FGD6: variants seen among roughly 807,000 people sequenced by gnomAD.
FGD6 encodes the protein FYVE, RhoGEF and PH domain-containing protein 6.
FGD6 carries 90 observed loss-of-function variants against 149.4 expected under a neutral mutation model. That is an observed-to-expected ratio of 0.60 (90% CI 0.51 to 0.72). The LOEUF is 0.72. Ranked by LOEUF, FGD6 falls within the 30% of genes least tolerant of loss-of-function variation. FGD6 has a pLI of 0.00. For missense variants in FGD6, 1,437 were observed against 1,684.8 expected, an observed-to-expected ratio of 0.85 and a Z score of 2.57; for synonymous variants, 527 against 584.0, an observed-to-expected ratio of 0.90 and a Z score of 1.41.
chr12:95,203,973 T>A (rs2056677404), intron 2 of FGD6, among the ~76,000 whole-genome samples: 2 of 152,216 alleles, frequency 1.3e-5, no homozygotes, highest in South Asian at 4.1e-4. Context: ...ATCAAACTTC[T>A]TAAATAAAAA....
chr12:95,097,035 TC>T (rs1418438634), intron 14 of FGD6, among the ~76,000 whole-genome samples: 2 of 152,212 alleles, frequency 1.3e-5, no homozygotes, highest in African/African-American at 4.8e-5. Context: ...ACTGTGTAAA[TC>T]ATGTCACATA....
intron 14 of FGD6, among the ~76,000 whole-genome samples, chr12:95,097,754 G>A (rs11107893): frequency 0.17 from 25,162 of 151,788 alleles, 2,327 homozygotes; most frequent in African/African-American, 0.25. Flanking sequence ...AACGCTGTGA[G>A]TAACATTCAC....
intron 8 of FGD6, among the ~76,000 whole-genome samples, chr12:95,118,638 G>A (rs1879095956): frequency 6.6e-6 from 1 of 152,218 alleles, no homozygotes; most frequent in South Asian, 2.1e-4. Flanking sequence ...CAGAGGAAAT[G>A]AGTGTATAGG....
At chr12:95,158,347 T>G (rs2136276169) in intron 3 of FGD6, among the ~76,000 whole-genome samples, 1 of 151,492 alleles carries the variant, frequency 6.6e-6, no homozygotes, top group Admixed American at 6.6e-5. Flanking sequence ...TTTTTTTTTT[T>G]TGTATTTTTA....
chr12:95,086,525 AT>A lies in FGD6; in HGVS notation c.3979-618del, dbSNP rs144016507. Among the ~76,000 whole-genome samples the A allele has an allele frequency of 9.3e-3, 1,160 of 125,072 alleles. 16 individuals carry two copies. Among genetic ancestry groups the A allele is most frequent in the African/African-American group, 0.029 (966 of 33,628 alleles). The allele number at this position is 125,072 out of a possible 152,430, so 82.1% of individuals were successfully genotyped here. On this transcript the variant is annotated intron_variant, in intron 18 of 20. Coordinates refer to ENST00000343958, the MANE Select transcript of FGD6 (RefSeq NM_018351.4). Reference sequence around the variant, plus strand: ...AAAGACAGTAAGCTTTTACTGATTGATTTTTTTTTTCTTTTTTTTTTTTTTT... The same window carrying A: ...AAAGACAGTAAGCTTTTACTGATTGATTTTTTTTTCTTTTTTTTTTTTTTT...
At chr12:95,139,954 A>G (rs1879797133) in intron 6 of FGD6, among the ~76,000 whole-genome samples, 1 of 152,104 alleles carries the variant, frequency 6.6e-6, no homozygotes, top group South Asian at 2.1e-4. Flanking sequence ...ACCTTTAAAG[A>G]CTACATTTTA....
In FGD6 at chr12:95,209,790, T is replaced by C. The variant is rs1486925135; in HGVS notation, c.1494A>G (p.Lys498=). 18 of 1,611,546 alleles carry C rather than the reference T, an allele frequency of 1.1e-5. No homozygotes were observed. Among genetic ancestry groups the C allele is most frequent in the Non-Finnish European group, 1.4e-5 (17 of 1,179,478 alleles). The change falls in exon 2 of 21, where the codon AAA becomes AAG. Residue 498 remains lysine (K), a synonymous_variant. Transcript: ENST00000343958. The part of the protein sequence containing the change: ...EENSLRIVPK[K]PQRHSLPATG... ...TAGCAGGCAAGCTATGTCTTTGAGG[T>C]TTTTTGGGGACAATTCGTAGAGAAT...
intron 2 of FGD6, among the ~76,000 whole-genome samples, chr12:95,195,697 GGCCTTATATAACATTTT>G: frequency 4.0e-5 from 1 of 24,736 alleles, no homozygotes; most frequent in South Asian, 1.9e-3. Context: ...GCTCACGCCT[GGCCTTATATAACATTTT>G]TAAACAACAA....
At chr12:95,108,242 A>T in intron 11 of FGD6, 106 bp downstream of exon 11, 1 of 936,516 alleles carries the variant, frequency 1.1e-6, no homozygotes, top group Non-Finnish European at 1.6e-6. Context: ...AAATTGAATC[A>T]ATGAAGAGTA....
At chr12:95,089,803 A>G in intron 17 of FGD6, 107 bp from the exon 18 acceptor site, 2 of 1,393,890 alleles carry the variant, frequency 1.4e-6, no homozygotes, top group Non-Finnish European at 9.8e-7. Flanking sequence ...GAAGGACACT[A>G]AGAAACAACA....
In FGD6 at chr12:95,211,058, T is replaced by C. The variant is rs776783253; in HGVS notation, c.226A>G (p.Met76Val). The C allele has an allele frequency of 6.2e-7, 1 of 1,614,154 alleles. No homozygotes were observed. Among genetic ancestry groups the C allele is most frequent in the Non-Finnish European group, 8.5e-7 (1 of 1,180,030 alleles). ...EIGQSPSRKI[M>V]LNLEGHKQEL... is the part of the protein sequence containing the mutation. ...TGTTTATGCCCTTCCAGGTTCAACA[T>C]GATTTTCCTTGATGGCGACTGCCCA... Residue 76 changes from methionine (M) to valine (V), a missense_variant, in exon 2 of 21, where the codon ATG becomes GTG. By Grantham distance (21) the Met-to-Val change is conservative. Around this residue, in one of 2 missense-constraint regions of FGD6, gnomAD observed 1,055 missense variants for 1,146.0 expected, o/e 0.92. Coordinates refer to ENST00000343958, the MANE Select transcript of FGD6 (RefSeq NM_018351.4).
In FGD6 at chr12:95,106,953, C is replaced by A. The variant is rs1287494081; in HGVS notation, c.3417+1G>T. The stretch of plus-strand genomic sequence containing the variant: ...ACAAAACATCTAACAGATGCACACA[C>A]CTTCATTCCAGCCAGTGAGAGCATG... On this transcript the variant is annotated splice_donor_variant, in intron 13 of 20. Transcript: ENST00000343958. LOFTEE classifies it high-confidence loss of function. 1 of 1,602,272 alleles carries A rather than the reference C, an allele frequency of 6.2e-7. No individual in the cohort carries two copies. Among genetic ancestry groups the A allele is most frequent in the South Asian group, 1.1e-5 (1 of 90,460 alleles).
intron 14 of FGD6, among the ~76,000 whole-genome samples, chr12:95,098,344 A>G (rs1261305876): frequency 6.6e-6 from 1 of 152,188 alleles, no homozygotes; most frequent in Non-Finnish European, 1.5e-5. Context: ...GATTCCATGC[A>G]GCAGCCGGAT....
intron 9 of FGD6, among the ~76,000 whole-genome samples, chr12:95,110,617 A>G (rs1044322996): frequency 1.4e-4 from 21 of 152,036 alleles, no homozygotes; most frequent in Non-Finnish European, 8.8e-5. Context: ...CAGCCTCCCA[A>G]AGTGCTGGGA....
At chr12:95,168,663 T>TA (rs35448456) in intron 3 of FGD6, among the ~76,000 whole-genome samples, 1,673 of 144,142 alleles carry the variant, frequency 0.012, 38 homozygotes, top group African/African-American at 0.038. Flanking sequence ...AACTTCATCT[T>TA]AAAAAAAAAA....
At chr12:95,107,141 A>C (rs1057048251) in intron 12 of FGD6, 104 bp from the exon 13 acceptor site, 16 of 785,124 alleles carry the variant, frequency 2.0e-5, no homozygotes, top group Non-Finnish European at 3.4e-5. Context: ...CTCTTTGCTA[A>C]TAGCTCTCTG....
At chr12:95,094,052 G>A (rs537346739) in intron 15 of FGD6, among the ~76,000 whole-genome samples, 2 of 151,648 alleles carry the variant, frequency 1.3e-5, no homozygotes, top group South Asian at 4.2e-4. Flanking sequence ...CCAGCTGCTA[G>A]GGAGGCTGAG....
intron 2 of FGD6, among the ~76,000 whole-genome samples, chr12:95,173,968 A>G (rs779723244): frequency 8.5e-5 from 13 of 152,166 alleles, no homozygotes; most frequent in Non-Finnish European, 1.6e-4. Flanking sequence ...CTGGAGCCCA[A>G]CTGTTACACA....
chr12:95,142,577 A>G (rs1879884400), intron 5 of FGD6, among the ~76,000 whole-genome samples: 1 of 152,198 alleles, frequency 6.6e-6, no homozygotes, highest in East Asian at 1.9e-4. Context: ...CGTGCCTGGC[A>G]GGCACATGCT....
Sources: gnomAD v4.1 joint callset for allele counts (sites outside exome capture counted in the v4.1 genomes callset) on GRCh38, gnomAD v4.1.1 for gene constraint, gnomAD v4.1.1 regional missense constraint, MANE v1.5 for transcripts, NCBI Gene and HGNC (gene_info 2026-07-23, HGNC 2026-07-21) for gene names.